Variants in SPON1 observed in about 807,000 individuals in gnomAD.
SPON1 encodes the protein spondin-1.
SPON1 carries 52 observed loss-of-function variants against 111.7 expected under a neutral mutation model. The ratio of observed to expected loss-of-function variants is 0.47; its 90% CI spans 0.37 to 0.59. The LOEUF is 0.59. Ranked by LOEUF, SPON1 falls within the 20% of genes least tolerant of loss-of-function variation. The probability of loss-of-function intolerance (pLI) is 0.00; values close to 1 mark genes in which losing one functional copy is unlikely to be tolerated. For missense variants in SPON1, 957 were observed against 1,068.5 expected (o/e 0.90, Z 1.46); for synonymous variants, 410 against 395.8 (o/e 1.04, Z -0.43).
chr11:14,048,084 A>G (rs1255709248), intron 3 of SPON1, among the ~76,000 whole-genome samples: 1 of 152,146 alleles, frequency 6.6e-6, no homozygotes, highest in African/African-American at 2.4e-5. Context: ...TACTACAAAT[A>G]CAAAATTAGC....
chr11:14,075,269 G>T (rs1293207320), intron 3 of SPON1, 76 bp from the exon 4 acceptor site: 2 of 1,109,902 alleles, frequency 1.8e-6, no homozygotes, highest in East Asian at 2.6e-5. Context: ...GCCAAGCAGG[G>T]ACTATGTCTG....
chr11:14,132,001 G>A lies in SPON1; in HGVS notation c.677-3419G>A, dbSNP rs572591591. Among the ~76,000 whole-genome samples the A allele has an allele frequency of 2.1e-4, 32 of 152,308 alleles. No individual in the cohort carries two copies. In the South Asian group the frequency reaches 5.2e-3, roughly 25 times the overall value. On this transcript the variant is annotated intron_variant, in intron 5 of 15. Coordinates refer to ENST00000576479, the MANE Select transcript of SPON1 (RefSeq NM_006108.4). ...ATGTGTTAAAAATTTGAATTAGGTC[G>A]GGCGCAGTGGCTCACGCCTGTAATC...
chr11:14,257,900 TGAG>T lies in SPON1; in HGVS notation c.1492+6_1492+8del. ...TGGGCCCTGGCTGCAGTGACGAAGG[TGAG>T]GAGACAACCCAGACCAGCCAGGGGC... On this transcript the variant is annotated splice_donor_5th_base_variant and intron_variant, in intron 11 of 15. Transcript: ENST00000576479. 2 of 1,539,582 alleles carry T rather than the reference TGAG, an allele frequency of 1.3e-6. No individual in the cohort carries two copies. The highest frequency in any genetic ancestry group is 1.8e-6 in the Non-Finnish European group (2 of 1,141,740).
At chr11:14,128,557 C>T (rs1554927232) in intron 5 of SPON1, among the ~76,000 whole-genome samples, 1 of 152,218 alleles carries the variant, frequency 6.6e-6, no homozygotes. Flanking sequence ...GTGTTGACTG[C>T]CCATAGCTTT....
At chr11:14,047,955 G>T (rs1848680722) in intron 3 of SPON1, among the ~76,000 whole-genome samples, 2 of 152,176 alleles carry the variant, frequency 1.3e-5, no homozygotes. Flanking sequence ...GTTAATAAGG[G>T]TGGGCCAGGT....
chr11:14,169,014 C>T (rs1421300051), intron 6 of SPON1, among the ~76,000 whole-genome samples: 1 of 152,290 alleles, frequency 6.6e-6, no homozygotes, highest in East Asian at 1.9e-4. Context: ...TGGGTATATA[C>T]CCAGTAATGG....
At chr11:14,000,251 A>G (rs1353654038) in intron 2 of SPON1, among the ~76,000 whole-genome samples, 1 of 151,946 alleles carries the variant, frequency 6.6e-6, no homozygotes, top group African/African-American at 2.4e-5. Context: ...GGTAGCCACA[A>G]AACTCCCTCC....
intron 6 of SPON1, among the ~76,000 whole-genome samples, chr11:14,147,017 C>CTTTTTTT (rs34930543): frequency 3.1e-5 from 2 of 64,992 alleles, no homozygotes; most frequent in Non-Finnish European, 5.3e-5. Context: ...ATGAAAGAAC[C>CTTTTTTT]TTTTTTTTTT....
At chr11:13,989,225 A>G (rs559919846) in intron 2 of SPON1, among the ~76,000 whole-genome samples, 1 of 152,242 alleles carries the variant, frequency 6.6e-6, no homozygotes, top group African/African-American at 2.4e-5. Context: ...TCAACTTCAG[A>G]ACTTGTTATT....
At chr11:14,163,083 T>C (rs1046457016) in intron 6 of SPON1, among the ~76,000 whole-genome samples, 5 of 152,194 alleles carry the variant, frequency 3.3e-5, no homozygotes, top group African/African-American at 1.2e-4. Flanking sequence ...TTCAGAATGA[T>C]TGGAGATAGC....
chr11:14,249,332 C>T (rs1849027468), intron 7 of SPON1, among the ~76,000 whole-genome samples: 1 of 152,186 alleles, frequency 6.6e-6, no homozygotes. Context: ...CACAGGTCCA[C>T]CGATGTCCTC....
At chr11:14,092,794 T>A (rs1353400773) in intron 5 of SPON1, among the ~76,000 whole-genome samples, 3 of 152,138 alleles carry the variant, frequency 2.0e-5, no homozygotes, top group East Asian at 3.8e-4. Flanking sequence ...ATCATGTAAG[T>A]TTTACTTCCT....
chr11:14,142,545 G>A (rs1411473882), intron 6 of SPON1, among the ~76,000 whole-genome samples: 1 of 152,156 alleles, frequency 6.6e-6, no homozygotes, highest in African/African-American at 2.4e-5. Context: ...AAAACTCCAC[G>A]CCCATTCCCA....
chr11:14,226,227 T>C (rs1554938124), intron 6 of SPON1, among the ~76,000 whole-genome samples: 1 of 152,228 alleles, frequency 6.6e-6, no homozygotes, highest in Non-Finnish European at 1.5e-5. Context: ...CGGACTTGAA[T>C]AGGAATGCCC....
chr11:14,014,244 T>C (rs7105780), intron 2 of SPON1, among the ~76,000 whole-genome samples: 47,376 of 151,972 alleles, frequency 0.31, 8,276 homozygotes, highest in South Asian at 0.51. Flanking sequence ...AGTGAGATGG[T>C]AGCAGGCATG....
intron 6 of SPON1, among the ~76,000 whole-genome samples, chr11:14,217,191 C>T (rs575066531): frequency 6.6e-6 from 1 of 152,280 alleles, no homozygotes; most frequent in African/African-American, 2.4e-5. Context: ...CTAATGCTTC[C>T]GTGGGGAGAG....
At chr11:14,095,595 G>T (rs1158570307) in intron 5 of SPON1, among the ~76,000 whole-genome samples, 1 of 152,158 alleles carries the variant, frequency 6.6e-6, no homozygotes, top group East Asian at 1.9e-4. Flanking sequence ...GGGAGCCAAT[G>T]GTGTAAATCC....
At chr11:14,112,339 C>A (rs1273461291) in intron 5 of SPON1, among the ~76,000 whole-genome samples, 1 of 152,134 alleles carries the variant, frequency 6.6e-6, no homozygotes, top group Non-Finnish European at 1.5e-5. Context: ...GTTTAGCAAC[C>A]CAGCATTGTA....
At chr11:14,155,241 T>C (rs1399043018) in intron 6 of SPON1, among the ~76,000 whole-genome samples, 1 of 152,198 alleles carries the variant, frequency 6.6e-6, no homozygotes, top group Non-Finnish European at 1.5e-5. Flanking sequence ...TTTGTCGCAA[T>C]GCCCCACTCC....
Sources: allele counts gnomAD v4.1 joint callset (sites outside exome capture counted in the v4.1 genomes callset), GRCh38; gene constraint gnomAD v4.1.1; transcripts MANE v1.5; gene names NCBI Gene and HGNC (gene_info 2026-07-23, HGNC 2026-07-21).